KIDINS220: variants seen among roughly 807,000 people sequenced by gnomAD.
The protein encoded by KIDINS220 is kinase D-interacting substrate of 220 kDa.
A neutral mutation model predicts 157.6 loss-of-function variants in KIDINS220; 63 were observed. That is an observed-to-expected ratio of 0.40 (90% confidence interval 0.33 to 0.49). The LOEUF is 0.49. Among genes scored for constraint, KIDINS220 ranks in the 20% least tolerant of loss-of-function variants. The probability of loss-of-function intolerance (pLI) is 0.66; values close to 1 mark genes in which losing one functional copy is unlikely to be tolerated. For synonymous variants in KIDINS220, 732 were observed against 783.6 expected (o/e 0.93, Z 1.10); for missense variants, 1,772 against 2,171.2 (o/e 0.82, Z 3.65).
intron 26 of KIDINS220, among the ~76,000 whole-genome samples, chr2:8,740,977 G>A (rs562599070): frequency 8.9e-4 from 135 of 152,280 alleles, no homozygotes; most frequent in Non-Finnish European, 1.5e-3. Context: ...GACGTTTGAT[G>A]TCTTTCTTTT....
Position 8,729,955 on chromosome 2 carries a change from C to A in KIDINS220, c.*765G>T, listed in dbSNP as rs551846462. On this transcript the variant is annotated 3_prime_UTR_variant, in exon 30 of 30. Coordinates refer to ENST00000256707, the MANE Select transcript of KIDINS220 (RefSeq NM_020738.4). ...GGCACCATTTAAAAGAGTTGGAGAA[C>A]AGACCAGGGTGGCTTCTTGGGCACA... The A allele has an allele frequency of 1.0e-6, 1 of 985,200 alleles. No individual in the cohort carries two copies. The highest frequency in any genetic ancestry group is 4.7e-5 in the South Asian group (1 of 21,274). 61.0% of individuals were successfully genotyped at this position (985,200 alleles called of 1,614,324 possible).
intron 23 of KIDINS220, among the ~76,000 whole-genome samples, 191 bp from the exon 24 acceptor site, chr2:8,750,526 C>T (rs1433576464): frequency 1.3e-5 from 2 of 152,134 alleles, no homozygotes; most frequent in African/African-American, 4.8e-5. Context: ...AAATGCCCAG[C>T]TACTTTGCAA....
intron 12 of KIDINS220, 87 bp from the exon 13 acceptor site, chr2:8,791,311 G>T: frequency 8.2e-7 from 1 of 1,222,414 alleles, no homozygotes; most frequent in Non-Finnish European, 1.1e-6. Flanking sequence ...CTTGATTAGA[G>T]AGAAAAAAAT....
chr2:8,747,825 C>A (rs1572480999), intron 25 of KIDINS220, 62 bp downstream of exon 25: 1 of 1,076,810 alleles, frequency 9.3e-7, no homozygotes. Context: ...AATAACCAAA[C>A]CTCAAATGCT....
chr2:8,796,137 CA>C (rs1558440574), intron 11 of KIDINS220, among the ~76,000 whole-genome samples: 2 of 152,034 alleles, frequency 1.3e-5, no homozygotes, highest in African/African-American at 4.8e-5. Flanking sequence ...TAGTAAAGCC[CA>C]AACCATATCA....
In KIDINS220 at chr2:8,734,654, C is replaced by T; in HGVS notation, c.3816+1G>A. 1 of 1,576,240 alleles carries T rather than the reference C, an allele frequency of 6.3e-7. No homozygotes were observed. The highest frequency in any genetic ancestry group is 1.7e-5 in the Admixed American group (1 of 59,586). On this transcript the variant is annotated splice_donor_variant, in intron 28 of 29. Coordinates refer to ENST00000256707, the MANE Select transcript of KIDINS220 (RefSeq NM_020738.4). LOFTEE classifies it high-confidence loss of function. ...ACATCACAATGTTACAAATATCTTA[C>T]TGTGCTTCTGAAAAGGTGCCAGTCT...
chr2:8,772,785 A>C (rs551949392), intron 21 of KIDINS220, among the ~76,000 whole-genome samples: 1 of 151,634 alleles, frequency 6.6e-6, no homozygotes, highest in African/African-American at 2.4e-5. Context: ...TAAAACCTCA[A>C]ATTCTTTTCT....
chr2:8,769,695 C>A (rs919156342), intron 22 of KIDINS220, among the ~76,000 whole-genome samples: 1 of 152,080 alleles, frequency 6.6e-6, no homozygotes, highest in East Asian at 1.9e-4. Context: ...AACGTTTATT[C>A]ACGAAATAAA....
intron 6 of KIDINS220, among the ~76,000 whole-genome samples, chr2:8,809,754 T>A (rs1676021408): frequency 6.6e-6 from 1 of 151,898 alleles, no homozygotes; most frequent in Admixed American, 6.6e-5. Context: ...TCAGTTCCCA[T>A]AGAAACCTCC....
chr2:8,779,378 C>A (rs1671392914), intron 18 of KIDINS220, among the ~76,000 whole-genome samples: 1 of 152,192 alleles, frequency 6.6e-6, no homozygotes, highest in Non-Finnish European at 1.5e-5. Flanking sequence ...CAGACATTTA[C>A]AGTCTGCTAA....
chr2:8,792,826 GA>G (rs796475616), intron 12 of KIDINS220, among the ~76,000 whole-genome samples: 61 of 151,648 alleles, frequency 4.0e-4, no homozygotes, highest in African/African-American at 1.5e-3. Flanking sequence ...TCAAAAGAAA[GA>G]AAAAAAATCC....
rs1341382278 is a variant in KIDINS220 at position 8,770,656 on chromosome 2, G to A, written c.3011+14C>T. 3 of 1,490,050 alleles carry A rather than the reference G, an allele frequency of 2.0e-6. No individual in the cohort carries two copies. In the South Asian group the frequency reaches 3.9e-5, roughly 19 times the overall value. 92.3% of individuals were successfully genotyped at this position (1,490,050 alleles called of 1,614,324 possible). ...CTAAAATAAAGTAAAATACAAAGAG[G>A]TCACAAAAGGTACCTTTCGTAGATG... On this transcript the variant is annotated intron_variant, in intron 22 of 29. Transcript: ENST00000256707.
At chr2:8,794,825 C>A (rs1465837994) in intron 11 of KIDINS220, among the ~76,000 whole-genome samples, 1 of 152,188 alleles carries the variant, frequency 6.6e-6, no homozygotes, top group Non-Finnish European at 1.5e-5. Context: ...AAATGACCTA[C>A]ACATTCTTCC....
rs1209879656 is a variant in KIDINS220, at chr2:8,771,363, T to C, written c.2849-531A>G. ...CCTACCAACTGAGTTGTAATGTTTC[T>C]AATATTTATTATTTACGTATTTTAA... On this transcript the variant is annotated intron_variant, in intron 21 of 29. Coordinates refer to ENST00000256707, the MANE Select transcript of KIDINS220 (RefSeq NM_020738.4). Among the ~76,000 whole-genome samples the C allele has an allele frequency of 3.9e-5, 6 of 152,252 alleles. No individual in the cohort carries two copies. In the East Asian group the frequency reaches 7.7e-4, roughly 19 times the overall value.
intron 26 of KIDINS220, among the ~76,000 whole-genome samples, chr2:8,743,464 G>GA (rs893018545): frequency 4.6e-5 from 7 of 152,308 alleles, no homozygotes; most frequent in African/African-American, 1.7e-4. Context: ...ACTAATCCTT[G>GA]AATCAGACCT....
At chr2:8,765,477 G>T (rs1214769248) in intron 22 of KIDINS220, among the ~76,000 whole-genome samples, 1 of 152,028 alleles carries the variant, frequency 6.6e-6, no homozygotes, top group Non-Finnish European at 1.5e-5. Flanking sequence ...CAAAAAGTTG[G>T]CTATAAATCC....
intron 15 of KIDINS220, among the ~76,000 whole-genome samples, chr2:8,788,059 C>T (rs113936062): frequency 2.6e-5 from 4 of 152,174 alleles, no homozygotes; most frequent in African/African-American, 9.6e-5. Context: ...GGTGACATAA[C>T]AGGGAGAAAA....
At chr2:8,815,382 C>T (rs1676917597) in intron 4 of KIDINS220, among the ~76,000 whole-genome samples, 1 of 135,330 alleles carries the variant, frequency 7.4e-6, no homozygotes, top group African/African-American at 2.8e-5. Context: ...GCCTGGGTGA[C>T]AGAGACCCTG....
rs764487996 is a variant in KIDINS220 at position 8,817,670 on chromosome 2, T to G, written c.254A>C (p.His85Pro). ...ACATTTCAGTAGTTCCTCTACGATGTGCACATGCCCTTCTTTCGATGCAGA... is the reference window on the plus strand; with the variant it reads ...ACATTTCAGTAGTTCCTCTACGATGGGCACATGCCCTTCTTTCGATGCAGA... ...LISASKEGHVHIVEELLKCGV... is the reference protein window; with the variant it reads ...LISASKEGHVPIVEELLKCGV... Residue 85 changes from histidine to proline, a missense_variant, in exon 4 of 30, where the codon CAC becomes CCC. Physicochemically the swap from His to Pro is moderately conservative, Grantham distance 77. Around this residue, in one of 3 missense-constraint regions of KIDINS220, gnomAD observed 254 missense variants for 268.6 expected, o/e 0.95. Transcript: ENST00000256707. The G allele has an allele frequency of 6.2e-7, 1 of 1,608,360 alleles. No homozygotes were observed. Among genetic ancestry groups the G allele is most frequent in the African/African-American group, 1.3e-5 (1 of 74,952 alleles).
Sources: gnomAD v4.1 joint callset for allele counts (sites outside exome capture counted in the v4.1 genomes callset) on GRCh38, gnomAD v4.1.1 for gene constraint, gnomAD v4.1.1 regional missense constraint, MANE v1.5 for transcripts, NCBI Gene and HGNC (gene_info 2026-07-23, HGNC 2026-07-21) for gene names.